The following SYTL5 variants were observed in gnomAD, a reference collection of about 807,000 sequenced individuals.
SYTL5 encodes the protein synaptotagmin-like protein 5.
Under a neutral mutation model 55.9 loss-of-function variants are expected in SYTL5, and 34 were observed. That is an observed-to-expected ratio of 0.61 (90% CI 0.46 to 0.81). The LOEUF is 0.81. Ranked by LOEUF, SYTL5 falls within the 30% of genes least tolerant of loss-of-function variation. SYTL5 has a pLI of 0.00. For synonymous variants in SYTL5, 221 were observed against 188.7 expected (o/e 1.17, Z -1.40); for missense variants, 637 against 546.7 (o/e 1.17, Z -1.65).
the SYTL5 span, among the ~76,000 whole-genome samples, chrX:37,988,773 T>C: frequency 8.9e-6 from 1 of 111,924 alleles, no homozygotes; most frequent in Non-Finnish European, 1.9e-5. Flanking sequence ...AGTAACATAA[T>C]ATCAGAAAAG....
chrX:37,989,446 T>A, the SYTL5 span, among the ~76,000 whole-genome samples: 1 of 111,840 alleles, frequency 8.9e-6, no homozygotes, highest in African/African-American at 3.3e-5. Flanking sequence ...TGTAAACATA[T>A]GCTACCATTC....
At chrX:38,108,751 A>AACCAT in intron 12 of SYTL5, 52 bp downstream of exon 12, 1 of 792,134 alleles carries the variant, frequency 1.3e-6, no homozygotes, top group Non-Finnish European at 1.9e-6. Flanking sequence ...CACAACTTCA[A>AACCAT]TGGTTTAGAA....
chrX:38,064,376 A>G (rs1253620755), intron 3 of SYTL5, among the ~76,000 whole-genome samples: 2 of 111,398 alleles, frequency 1.8e-5, no homozygotes, highest in Admixed American at 9.6e-5. Context: ...TTTTTTCCAA[A>G]CCGATAGATA....
At position 38,018,671 on chromosome X, in the gene SYTL5, A is replaced by G. The variant is rs147667431; in HGVS notation, c.-357+12003A>G. On this transcript the variant is annotated intron_variant, in intron 1 of 16. Transcript: ENST00000297875. The stretch of plus-strand genomic sequence containing the variant: ...TGTTACTGAATCAGGCTCTCTGGAG[A>G]TAGACACCCAGAAATCTATTTTTAA... 3.8e-3 allele frequency among the ~76,000 whole-genome samples: 427 copies of G among 111,523 alleles called. 2 individuals carry two copies. The highest frequency in any genetic ancestry group is 0.013 in the African/African-American group (409 of 30,665).
chrX:38,087,485 C>T (rs1936686568), intron 6 of SYTL5, among the ~76,000 whole-genome samples: 1 of 112,018 alleles, frequency 8.9e-6, no homozygotes, highest in Non-Finnish European at 1.9e-5. Context: ...TTGTCAGAAT[C>T]AACAGGCACA....
At chrX:38,010,608 A>G (rs758752537) in intron 1 of SYTL5, among the ~76,000 whole-genome samples, 13 of 111,890 alleles carry the variant, frequency 1.2e-4, no homozygotes, top group Non-Finnish European at 2.4e-4. Flanking sequence ...AAATGTCAGT[A>G]TCCAAATAAA....
At chrX:37,912,162 C>T in the SYTL5 span, among the ~76,000 whole-genome samples, 1 of 111,280 alleles carries the variant, frequency 9.0e-6, no homozygotes, top group African/African-American at 3.3e-5. Flanking sequence ...TTGAGTTTAC[C>T]CTCATAGCTT....
At chrX:38,054,126 A>G (rs1935702366) in intron 2 of SYTL5, 87 bp from the exon 3 acceptor site, 1 of 688,015 alleles carries the variant, frequency 1.5e-6, no homozygotes. Context: ...CAAATATTCT[A>G]TCTATTTTAG....
chrX:38,081,335 A>G (rs953672300), intron 6 of SYTL5, among the ~76,000 whole-genome samples: 2 of 111,822 alleles, frequency 1.8e-5, no homozygotes, highest in African/African-American at 6.5e-5. Flanking sequence ...CTGACACATG[A>G]TAAAACAGGA....
At chrX:38,066,147 G>A (rs899601954) in intron 3 of SYTL5, among the ~76,000 whole-genome samples, 12 of 111,318 alleles carry the variant, frequency 1.1e-4, no homozygotes, top group African/African-American at 3.6e-4. Flanking sequence ...AATTGAATTA[G>A]TTTCCTTATG....
rs776301162 is a variant in SYTL5 at position 38,126,591 on chromosome X, T to C, written c.2054T>C (p.Val685Ala). ...GGVRLNSGSG[V>A]SHGKNVDWMD... ...TTTTCCCGTTTCGCCTCTTCAGGTG[T>C]GAGCCATGGGAAGAACGTGGATTGG... Residue 685 changes from valine to alanine, a missense_variant, in exon 17 of 17, where the codon GTG becomes GCG. Transcript: ENST00000297875. 27 of 1,209,848 alleles carry C rather than the reference T, an allele frequency of 2.2e-5. 1 individual carries two copies. The highest frequency in any genetic ancestry group is 4.4e-5 in the Admixed American group (2 of 45,748).
chrX:37,959,515 G>A, the SYTL5 span, among the ~76,000 whole-genome samples: 1 of 111,684 alleles, frequency 9.0e-6, no homozygotes, highest in Non-Finnish European at 1.9e-5. Context: ...AATAGCCTTG[G>A]TCAACCTTCC....
chrX:38,070,242 A>T (rs965392298), intron 3 of SYTL5, among the ~76,000 whole-genome samples: 1 of 111,755 alleles, frequency 8.9e-6, no homozygotes, highest in Non-Finnish European at 1.9e-5. Flanking sequence ...TTCAAGAGTG[A>T]CTTTTCTATT....
intron 7 of SYTL5, among the ~76,000 whole-genome samples, chrX:38,090,197 C>A (rs781572574): frequency 8.9e-6 from 1 of 112,083 alleles, no homozygotes; most frequent in African/African-American, 3.2e-5. Flanking sequence ...TGATTTTGAT[C>A]CTCTCTGTTA....
At chrX:37,965,336 T>C in the SYTL5 span, among the ~76,000 whole-genome samples, 7,454 of 111,726 alleles carry the variant, frequency 0.067, 281 homozygotes, top group Non-Finnish European at 0.11. Context: ...CAAGATATTT[T>C]TAAATTTCCC....
intron 15 of SYTL5, among the ~76,000 whole-genome samples, chrX:38,123,659 G>A (rs1303395816): frequency 7.1e-5 from 8 of 112,224 alleles, no homozygotes; most frequent in Admixed American, 2.8e-4. Flanking sequence ...CTCCCAACCC[G>A]TGGCCACATT....
chrX:38,067,731 C>A (rs1569174990), intron 3 of SYTL5, among the ~76,000 whole-genome samples: 1 of 111,320 alleles, frequency 9.0e-6, no homozygotes, highest in Non-Finnish European at 1.9e-5. Flanking sequence ...AACTGGCTAG[C>A]CACATGCAGA....
chrX:37,943,042 G>A, the SYTL5 span, among the ~76,000 whole-genome samples: 142 of 111,641 alleles, frequency 1.3e-3, 1 homozygote, highest in African/African-American at 4.4e-3. Context: ...GTCAGTCAAG[G>A]CCCATCATCA....
At chrX:37,909,127 G>A in the SYTL5 span, among the ~76,000 whole-genome samples, 8 of 103,436 alleles carry the variant, frequency 7.7e-5, no homozygotes, top group Admixed American at 7.1e-4. Context: ...CCCACACACA[G>A]TTCAAAATGG....
Sources: gnomAD v4.1 joint callset for allele counts (sites outside exome capture counted in the v4.1 genomes callset) on GRCh38, gnomAD v4.1.1 for gene constraint, MANE v1.5 for transcripts, NCBI Gene and HGNC (gene_info 2026-07-23, HGNC 2026-07-21) for gene names.